SAMMSON: variants seen among roughly 807,000 people sequenced by gnomAD.
SAMMSON encodes survival associated mitochondrial melanoma specific oncogenic non-coding RNA.
chr3:70,221,684 A>G lies in SAMMSON; in HGVS notation n.508-27423A>G, dbSNP rs145543529. 6.4e-3 allele frequency among the ~76,000 whole-genome samples: 978 copies of G among 152,302 alleles called. 6 individuals are homozygous for G. The highest frequency in any genetic ancestry group is 0.022 in the African/African-American group (931 of 41,554). On this transcript the variant is annotated intron_variant and non_coding_transcript_variant, in intron 4 of 9. Coordinates refer to ENST00000642114, the Ensembl canonical transcript of SAMMSON. ...GACAAGTGACTGGTCAATGATGCCAAGGTTCAAATGGAAGGGGAAAAAGGA... is the reference window on the plus strand; with the variant it reads ...GACAAGTGACTGGTCAATGATGCCAGGGTTCAAATGGAAGGGGAAAAAGGA...
intron 3 of SAMMSON, among the ~76,000 whole-genome samples, chr3:70,019,908 T>C (rs914878202): frequency 6.6e-6 from 1 of 152,192 alleles, no homozygotes; most frequent in Non-Finnish European, 1.5e-5. Flanking sequence ...TATTGGCAAC[T>C]TGGGTAACAA....
At chr3:70,012,841 A>G (rs1057398740) in intron 2 of SAMMSON, among the ~76,000 whole-genome samples, 1 of 152,056 alleles carries the variant, frequency 6.6e-6, no homozygotes, top group African/African-American at 2.4e-5. Context: ...TTGGTTGTCA[A>G]TGGGAAGTTC....
chr3:70,338,195 A>G (rs1331617188), intron 7 of SAMMSON, among the ~76,000 whole-genome samples: 4 of 152,028 alleles, frequency 2.6e-5, no homozygotes, highest in Admixed American at 2.0e-4. Flanking sequence ...ATTTGAGGCA[A>G]CACATGTAAA....
intron 2 of SAMMSON, among the ~76,000 whole-genome samples, chr3:70,406,132 T>C (rs576596460): frequency 6.6e-6 from 1 of 152,300 alleles, no homozygotes; most frequent in East Asian, 1.9e-4. Flanking sequence ...TGTACACATA[T>C]TTCAAAACAT....
intron 4 of SAMMSON, among the ~76,000 whole-genome samples, chr3:70,229,467 G>A (rs1701538989): frequency 6.6e-6 from 1 of 152,148 alleles, no homozygotes; most frequent in South Asian, 2.1e-4. Context: ...AGCAGAACTT[G>A]CTTCCTTTTT....
intron 4 of SAMMSON, among the ~76,000 whole-genome samples, chr3:70,133,671 A>G (rs770774482): frequency 9.2e-5 from 14 of 152,246 alleles, no homozygotes; most frequent in Admixed American, 2.0e-4. Flanking sequence ...CTGTCTCCAC[A>G]TAGATAGTCT....
intron 4 of SAMMSON, among the ~76,000 whole-genome samples, chr3:70,185,244 G>T (rs1442576951): frequency 6.6e-6 from 1 of 152,080 alleles, no homozygotes; most frequent in Non-Finnish European, 1.5e-5. Flanking sequence ...GCCACAAAAG[G>T]AGAAACCATA....
At chr3:70,277,129 G>T (rs1162597634) in intron 6 of SAMMSON, among the ~76,000 whole-genome samples, 1 of 152,132 alleles carries the variant, frequency 6.6e-6, no homozygotes, top group African/African-American at 2.4e-5. Flanking sequence ...GTGATTAGGT[G>T]AGACCTCGGC....
chr3:70,360,664 A>C (rs2106739762), intron 9 of SAMMSON, among the ~76,000 whole-genome samples: 1 of 152,290 alleles, frequency 6.6e-6, no homozygotes, highest in South Asian at 2.1e-4. Flanking sequence ...GAGTGTCATA[A>C]GTTGAATGCT....
intron 6 of SAMMSON, among the ~76,000 whole-genome samples, chr3:70,268,474 CAAA>C (rs66482424): frequency 2.1e-4 from 20 of 96,572 alleles, no homozygotes; most frequent in African/African-American, 4.0e-4. Flanking sequence ...GACTCCGTCT[CAAA>C]AAAAAAAAAA....
At chr3:70,265,936 C>G (rs536583020) in intron 6 of SAMMSON, among the ~76,000 whole-genome samples, 24 of 152,258 alleles carry the variant, frequency 1.6e-4, no homozygotes, top group African/African-American at 5.8e-4. Flanking sequence ...ATCCAGTTAC[C>G]TCCACCTGGT....
chr3:70,331,665 A>G (rs1702622530), intron 7 of SAMMSON, among the ~76,000 whole-genome samples: 1 of 152,238 alleles, frequency 6.6e-6, no homozygotes, highest in African/African-American at 2.4e-5. Context: ...TTTTCTAAGC[A>G]GCATGTTTAC....
chr3:70,205,877 C>T (rs1701285906), intron 4 of SAMMSON: 1 of 152,000 alleles, frequency 6.6e-6, no homozygotes, highest in Non-Finnish European at 1.5e-5. Flanking sequence ...TGGTTTTTCT[C>T]CTGTAAAGGT....
At chr3:70,290,203 G>T (rs1229726267) in intron 6 of SAMMSON, among the ~76,000 whole-genome samples, 2 of 152,056 alleles carry the variant, frequency 1.3e-5, no homozygotes, top group African/African-American at 2.4e-5. Context: ...ATCTACTTTT[G>T]GTCTTTGATG....
chr3:70,427,234 C>T (rs1173497657), intron 2 of SAMMSON, among the ~76,000 whole-genome samples: 1 of 152,162 alleles, frequency 6.6e-6, no homozygotes, highest in Non-Finnish European at 1.5e-5. Context: ...TTTCTACATT[C>T]AGAGTTGATC....
At chr3:70,229,625 T>C (rs1701540070) in intron 4 of SAMMSON, among the ~76,000 whole-genome samples, 1 of 152,216 alleles carries the variant, frequency 6.6e-6, no homozygotes. Context: ...TCTTCACGTT[T>C]TATTCTCTAC....
At chr3:70,134,367 T>C (rs1366277838) in intron 4 of SAMMSON, among the ~76,000 whole-genome samples, 1 of 151,958 alleles carries the variant, frequency 6.6e-6, no homozygotes, top group Non-Finnish European at 1.5e-5. Flanking sequence ...AACTTTTTTT[T>C]TTTTTTAATA....
At chr3:70,004,666 A>G (rs2066919023) in intron 1 of SAMMSON, among the ~76,000 whole-genome samples, 1 of 152,218 alleles carries the variant, frequency 6.6e-6, no homozygotes, top group Non-Finnish European at 1.5e-5. Context: ...TCAAATTAAA[A>G]TTTAGTCAGC....
intron 9 of SAMMSON, among the ~76,000 whole-genome samples, chr3:70,389,046 T>G (rs945198896): frequency 6.6e-6 from 1 of 152,036 alleles, no homozygotes; most frequent in Admixed American, 6.6e-5. Context: ...CTTCCTCAGT[T>G]TCTCTCTTGC....
Sources: allele counts gnomAD v4.1 joint callset (sites outside exome capture counted in the v4.1 genomes callset), GRCh38; gene constraint gnomAD v4.1.1; transcripts MANE v1.5; gene names NCBI Gene and HGNC (gene_info 2026-07-23, HGNC 2026-07-21).